OLA1: variants seen among roughly 807,000 people sequenced by gnomAD.
The protein encoded by OLA1 is obg-like ATPase 1.
In OLA1, 14 loss-of-function variants were observed where a neutral mutation model predicts 48.4. That is an observed-to-expected ratio of 0.29 (90% CI 0.19 to 0.45). OLA1 has a LOEUF of 0.45. Among genes scored for constraint, OLA1 ranks in the 20% least tolerant of loss-of-function variants. The pLI is 1.00. For synonymous variants in OLA1, 127 were observed against 150.4 expected (o/e 0.84, Z 1.14); for missense variants, 325 against 467.1 (o/e 0.70, Z 2.80).
intron 4 of OLA1, among the ~76,000 whole-genome samples, chr2:174,157,655 T>C (rs1686918047): frequency 6.6e-6 from 1 of 152,194 alleles, no homozygotes; most frequent in Non-Finnish European, 1.5e-5. Context: ...AAAAAAACTA[T>C]TTTATAACCT....
At position 174,215,397 on chromosome 2, in the gene OLA1, C is replaced by G. The variant is rs1688342507; in HGVS notation, c.373+7636G>C. ...CTAATAAACTCGTCAATAAATACTTCAGTTCATCCTTGAACTTAGGTTTGA... is the reference window on the plus strand; with the variant it reads ...CTAATAAACTCGTCAATAAATACTTGAGTTCATCCTTGAACTTAGGTTTGA... On this transcript the variant is annotated intron_variant, in intron 4 of 10. Coordinates refer to ENST00000284719, the MANE Select transcript of OLA1 (RefSeq NM_013341.5). Among the ~76,000 whole-genome samples, 5 of 152,156 alleles carry G rather than the reference C, an allele frequency of 3.3e-5. No individual in the cohort carries two copies. The South Asian group carries it at 1.0e-3, about 31-fold the overall frequency.
intron 4 of OLA1, among the ~76,000 whole-genome samples, chr2:174,154,236 T>G (rs1194256968): frequency 2.6e-5 from 4 of 152,210 alleles, no homozygotes; most frequent in African/African-American, 9.7e-5. Context: ...ACTGTTTCTG[T>G]TGTATTTACC....
At chr2:174,087,783 C>T (rs573047136) in intron 7 of OLA1, among the ~76,000 whole-genome samples, 1 of 152,246 alleles carries the variant, frequency 6.6e-6, no homozygotes, top group East Asian at 1.9e-4. Flanking sequence ...TTTCAACTAC[C>T]TCTAGCCACT....
chr2:174,174,047 A>C (rs945064957), intron 4 of OLA1, among the ~76,000 whole-genome samples: 111 of 143,550 alleles, frequency 7.7e-4, no homozygotes, highest in Middle Eastern at 3.5e-3. Context: ...AAAAAAAAAA[A>C]AAAAACAAAA....
intron 7 of OLA1, among the ~76,000 whole-genome samples, chr2:174,113,654 A>T (rs578069064): frequency 2.6e-5 from 4 of 152,324 alleles, no homozygotes; most frequent in Admixed American, 2.6e-4. Flanking sequence ...TTAGTTTATT[A>T]ACTAAACAAT....
At chr2:174,104,373 T>C (rs1424904825) in intron 7 of OLA1, among the ~76,000 whole-genome samples, 1 of 152,016 alleles carries the variant, frequency 6.6e-6, no homozygotes, top group African/African-American at 2.4e-5. Context: ...AACATTAAAC[T>C]TTTCCTACTT....
At chr2:174,247,866 G>C (rs765245542) in intron 1 of OLA1, 1 of 1,408,930 alleles carries the variant, frequency 7.1e-7, no homozygotes. Flanking sequence ...CATGCGTGCA[G>C]AATTACTCCC....
chr2:174,199,082 GA>G (rs78754279), intron 4 of OLA1, among the ~76,000 whole-genome samples: 16,776 of 152,184 alleles, frequency 0.11, 2,179 homozygotes, highest in East Asian at 0.7. Flanking sequence ...GCTGGGTGAG[GA>G]AACAGAAGTA....
intron 7 of OLA1, among the ~76,000 whole-genome samples, chr2:174,099,593 ATT>A (rs1389383665): frequency 6.6e-6 from 1 of 152,174 alleles, no homozygotes; most frequent in Admixed American, 6.5e-5. Flanking sequence ...CCGATGAAAC[ATT>A]TATTCCTTTG....
chr2:174,094,879 C>A lies in OLA1; in HGVS notation c.729-12815G>T, dbSNP rs145331019. Among the ~76,000 whole-genome samples, 207 of 152,284 alleles carry A rather than the reference C, an allele frequency of 1.4e-3. 1 individual carries two copies. The highest frequency in any genetic ancestry group is 4.6e-3 in the African/African-American group (193 of 41,568). On this transcript the variant is annotated intron_variant, in intron 7 of 10. Coordinates refer to ENST00000284719, the MANE Select transcript of OLA1 (RefSeq NM_013341.5). ...GAGTTTGACTACTTTAGAAACTGCA[C>A]ATAAGTGGAATCATATAGTATTTGT...
chr2:174,146,777 A>G (rs1279232639), intron 4 of OLA1, among the ~76,000 whole-genome samples: 2 of 152,208 alleles, frequency 1.3e-5, no homozygotes, highest in African/African-American at 2.4e-5. Context: ...TTATAACTCA[A>G]GAGTCCAAAA....
chr2:174,131,582 G>A (rs1558968449), intron 5 of OLA1, among the ~76,000 whole-genome samples: 1 of 152,064 alleles, frequency 6.6e-6, no homozygotes, highest in African/African-American at 2.4e-5. Context: ...CATCAGCACT[G>A]TATGACAATT....
chr2:174,247,741 A>C, intron 1 of OLA1: 1 of 1,551,052 alleles, frequency 6.4e-7, no homozygotes, highest in South Asian at 1.2e-5. Flanking sequence ...AGTCCTCATA[A>C]GCAACCTCCA....
chr2:174,243,655 G>A (rs1689058181), intron 2 of OLA1, among the ~76,000 whole-genome samples: 2 of 152,014 alleles, frequency 1.3e-5, no homozygotes, highest in African/African-American at 4.8e-5. Context: ...TACCTTCACA[G>A]AATTTAAATT....
intron 3 of OLA1, among the ~76,000 whole-genome samples, chr2:174,225,865 A>G (rs1688605554): frequency 6.6e-6 from 1 of 152,180 alleles, no homozygotes; most frequent in African/African-American, 2.4e-5. Flanking sequence ...ACTAGACAGG[A>G]AGATATTCAG....
At chr2:174,133,763 C>A (rs945924525) in intron 5 of OLA1, among the ~76,000 whole-genome samples, 2 of 151,084 alleles carry the variant, frequency 1.3e-5, no homozygotes, top group Admixed American at 1.3e-4. Flanking sequence ...ATCTGACATT[C>A]TTTGTCTTTT....
At chr2:174,158,183 C>T (rs1686930394) in intron 4 of OLA1, among the ~76,000 whole-genome samples, 1 of 152,188 alleles carries the variant, frequency 6.6e-6, no homozygotes, top group Non-Finnish European at 1.5e-5. Flanking sequence ...GCTATCACCA[C>T]CAGGTGGTGC....
chr2:174,139,709 A>G (rs1686394025), intron 5 of OLA1, among the ~76,000 whole-genome samples: 1 of 152,096 alleles, frequency 6.6e-6, no homozygotes, highest in Admixed American at 6.5e-5. Flanking sequence ...TACTAAAAAT[A>G]CAAAAATTAG....
intron 7 of OLA1, among the ~76,000 whole-genome samples, chr2:174,121,536 C>T (rs1685915230): frequency 7.0e-6 from 1 of 142,962 alleles, no homozygotes; most frequent in Non-Finnish European, 1.5e-5. Flanking sequence ...CCAAGACATA[C>T]ACACACCAAC....
Sources: gnomAD v4.1 joint callset for allele counts (sites outside exome capture counted in the v4.1 genomes callset) on GRCh38, gnomAD v4.1.1 for gene constraint, MANE v1.5 for transcripts, NCBI Gene and HGNC (gene_info 2026-07-23, HGNC 2026-07-21) for gene names.